The following FGGY variants were observed in gnomAD, a reference collection of about 807,000 sequenced individuals.
FGGY encodes the protein FGGY carbohydrate kinase domain containing.
Under a neutral mutation model 71.3 loss-of-function variants are expected in FGGY, and 72 were observed. The ratio of observed to expected loss-of-function variants is 1.01; its 90% CI spans 0.84 to 1.23. The LOEUF is 1.23. Among genes scored for constraint, FGGY ranks in the 50% most tolerant of loss-of-function variants. FGGY has a pLI of 0.00. For synonymous variants in FGGY, 251 were observed against 250.3 expected (o/e 1.00, Z -0.02); for missense variants, 668 against 682.3 (o/e 0.98, Z 0.23).
intron 4 of FGGY, among the ~76,000 whole-genome samples, chr1:59,371,818 T>C (rs1248481694): frequency 6.6e-6 from 1 of 152,058 alleles, no homozygotes; most frequent in Non-Finnish European, 1.5e-5. Context: ...ACTGGGTACA[T>C]AACGAAATGA....
At chr1:59,608,623 T>A (rs1370399355) in intron 9 of FGGY, among the ~76,000 whole-genome samples, 1 of 152,100 alleles carries the variant, frequency 6.6e-6, no homozygotes, top group African/African-American at 2.4e-5. Context: ...ACCTGAGGTC[T>A]GAAGCTCAAG....
At chr1:59,643,676 A>C (rs1468405308) in intron 11 of FGGY, among the ~76,000 whole-genome samples, 3 of 152,248 alleles carry the variant, frequency 2.0e-5, no homozygotes, top group African/African-American at 7.2e-5. Flanking sequence ...TATAATTTTC[A>C]CTGAAGAAAA....
At chr1:59,516,782 G>A (rs1260978175) in intron 7 of FGGY, among the ~76,000 whole-genome samples, 1 of 152,182 alleles carries the variant, frequency 6.6e-6, no homozygotes, top group Non-Finnish European at 1.5e-5. Context: ...CCTGACAACT[G>A]TAGTCACTTC....
chr1:59,724,317 A>C lies in FGGY; in HGVS notation c.1513-33614A>C, dbSNP rs576836556. 2.2e-5 allele frequency among the ~76,000 whole-genome samples: 3 copies of C among 138,764 alleles called. No homozygotes were observed. The South Asian group carries it at 6.9e-4, about 32-fold the overall frequency. 91.0% of individuals were successfully genotyped at this position (138,764 alleles called of 152,430 possible). On this transcript the variant is annotated intron_variant, in intron 14 of 15. Coordinates refer to ENST00000303721, the MANE Select transcript of FGGY (RefSeq NM_018291.5). ...CACAGTGTAACCTTGTCTACTAAAAATACAAAAAAAAAAAAAATTAGCCAG... is the reference window on the plus strand; with the variant it reads ...CACAGTGTAACCTTGTCTACTAAAACTACAAAAAAAAAAAAAATTAGCCAG...
intron 6 of FGGY, among the ~76,000 whole-genome samples, chr1:59,508,666 A>C (rs1367774891): frequency 1.3e-5 from 2 of 152,140 alleles, no homozygotes; most frequent in African/African-American, 4.8e-5. Flanking sequence ...AAGCTGTTTC[A>C]TTTTGGTCTC....
At chr1:59,619,987 G>A (rs999244825) in intron 9 of FGGY, among the ~76,000 whole-genome samples, 1 of 151,884 alleles carries the variant, frequency 6.6e-6, no homozygotes, top group African/African-American at 2.4e-5. Context: ...ACACCCTGAT[G>A]GATTAAGTGT....
intron 11 of FGGY, among the ~76,000 whole-genome samples, chr1:59,645,819 A>T (rs1009761786): frequency 6.6e-6 from 1 of 152,226 alleles, no homozygotes; most frequent in Non-Finnish European, 1.5e-5. Flanking sequence ...TGGTTGAAAC[A>T]TGTTTTCTCT....
At chr1:59,469,646 G>T (rs965232049) in intron 6 of FGGY, among the ~76,000 whole-genome samples, 2 of 151,958 alleles carry the variant, frequency 1.3e-5, no homozygotes, top group Non-Finnish European at 2.9e-5. Context: ...TGTTACATAG[G>T]TAAACTTGTG....
chr1:59,297,037 G>C (rs993611468), upstream of FGGY: 1 of 152,498 alleles, frequency 6.6e-6, no homozygotes, highest in Non-Finnish European at 1.4e-5. Context: ...TCCCGCAGTC[G>C]TTGCCTCCTC....
intron 11 of FGGY, among the ~76,000 whole-genome samples, chr1:59,654,198 A>G (rs2097197072): frequency 1.3e-5 from 2 of 152,190 alleles, no homozygotes. Flanking sequence ...ACACTTACTG[A>G]CACCTCTAAA....
chr1:59,456,117 C>G (rs1433132453), intron 5 of FGGY, among the ~76,000 whole-genome samples: 1 of 152,132 alleles, frequency 6.6e-6, no homozygotes, highest in Non-Finnish European at 1.5e-5. Flanking sequence ...AATTAACACC[C>G]ATGAACCCAT....
At chr1:59,557,547 T>A (rs2095710039) in intron 8 of FGGY, among the ~76,000 whole-genome samples, 1 of 152,238 alleles carries the variant, frequency 6.6e-6, no homozygotes, top group Non-Finnish European at 1.5e-5. Context: ...AGGCCTTTGA[T>A]ATTTTAGAAG....
chr1:59,747,908 G>C (rs1272886513), intron 14 of FGGY, among the ~76,000 whole-genome samples: 1 of 152,172 alleles, frequency 6.6e-6, no homozygotes, highest in Admixed American at 6.5e-5. Flanking sequence ...CTTAAGGAAT[G>C]GGCCTGGTCT....
At chr1:59,754,410 C>T (rs1326269240) in intron 14 of FGGY, among the ~76,000 whole-genome samples, 3 of 151,370 alleles carry the variant, frequency 2.0e-5, no homozygotes, top group Non-Finnish European at 4.4e-5. Context: ...TTGTTTTGGT[C>T]TCTTTTTTGT....
At chr1:59,691,485 A>G (rs1012123137) in intron 14 of FGGY, among the ~76,000 whole-genome samples, 1 of 152,140 alleles carries the variant, frequency 6.6e-6, no homozygotes, top group Non-Finnish European at 1.5e-5. Context: ...CTGGTGAATT[A>G]GAAATTCTAT....
intron 14 of FGGY, among the ~76,000 whole-genome samples, chr1:59,722,218 G>C (rs540674662): frequency 1.3e-5 from 2 of 150,892 alleles, no homozygotes; most frequent in South Asian, 4.2e-4. Flanking sequence ...GAAAACAGAA[G>C]ACTGACAAAG....
intron 9 of FGGY, among the ~76,000 whole-genome samples, chr1:59,610,399 C>A (rs2096663185): frequency 1.3e-5 from 2 of 152,292 alleles, no homozygotes; most frequent in South Asian, 4.1e-4. Flanking sequence ...CATGTCCCTG[C>A]AAAGAGATCT....
At chr1:59,522,163 T>C (rs771176984) in intron 7 of FGGY, among the ~76,000 whole-genome samples, 12 of 152,250 alleles carry the variant, frequency 7.9e-5, no homozygotes, top group Non-Finnish European at 1.5e-4. Context: ...CATACAAGGA[T>C]GAAGGTTTAA....
At chr1:59,417,601 G>A (rs1269140729) in intron 5 of FGGY, among the ~76,000 whole-genome samples, 1 of 152,132 alleles carries the variant, frequency 6.6e-6, no homozygotes, top group Admixed American at 6.6e-5. Context: ...ACATCCTTGT[G>A]AGCACTTGTT....
Sources: allele counts gnomAD v4.1 joint callset (sites outside exome capture counted in the v4.1 genomes callset), GRCh38; gene constraint gnomAD v4.1.1; transcripts MANE v1.5; gene names NCBI Gene and HGNC (gene_info 2026-07-23, HGNC 2026-07-21).